The following ROBO2 variants were observed in gnomAD, a reference collection of about 807,000 sequenced individuals.
The protein encoded by ROBO2 is roundabout homolog 2.
In ROBO2, 53 loss-of-function variants were observed where a neutral mutation model predicts 160.8. The observed-to-expected ratio is 0.33, with a 90% CI of 0.26 to 0.41. The LOEUF (loss-of-function observed/expected upper bound fraction) is 0.41, where lower values mean the gene tolerates loss of function less well. ROBO2 is among the 10% of genes least tolerant of loss of function. ROBO2 has a pLI of 1.00. For missense variants in ROBO2, 1,577 were observed against 1,722.4 expected (o/e 0.92, Z 1.49); for synonymous variants, 664 against 611.7 (o/e 1.09, Z -1.26).
In ROBO2 at chr3:76,633,517, A is replaced by G. The variant is rs1560274378; in HGVS notation, c.110-464497A>G. Among the ~76,000 whole-genome samples the G allele has an allele frequency of 3.3e-5, 5 of 152,204 alleles. 1 individual carries two copies. The highest frequency in any genetic ancestry group is 1.2e-4 in the African/African-American group (5 of 41,448). On this transcript the variant is annotated intron_variant, in intron 2 of 26. Coordinates refer to the ROBO2 transcript ENST00000487694. ...AAAAAGAAAAAGACACGAAGGAGAA[A>G]GAAGATGAGAAAGGTAAGCTCTCCT...
chr3:76,979,578 TG>T lies in ROBO2; in HGVS notation c.110-118435del, dbSNP rs559550800. Among the ~76,000 whole-genome samples, 17 of 151,850 alleles carry T rather than the reference TG, an allele frequency of 1.1e-4. No homozygotes were observed. In the South Asian group the frequency reaches 3.5e-3, roughly 32 times the overall value. On this transcript the variant is annotated intron_variant, in intron 2 of 26. Transcript: ENST00000487694. ...TCTTTATTGCTGAATGGTATTGGGG[TG>T]TATGTGTGTGTGTGGTGTGTGTGTG...
At chr3:76,691,882 A>C (rs2092809551) in intron 2 of ROBO2, among the ~76,000 whole-genome samples, 1 of 152,162 alleles carries the variant, frequency 6.6e-6, no homozygotes, top group African/African-American at 2.4e-5. Context: ...AGGTGTACAA[A>C]TTCTAGTGAC....
At chr3:77,271,183 G>C (rs551691030) in intron 2 of ROBO2, among the ~76,000 whole-genome samples, 11 of 152,014 alleles carry the variant, frequency 7.2e-5, no homozygotes, top group Non-Finnish European at 1.6e-4. Context: ...CTCCGTGCTA[G>C]GTGTTAGAAT....
At position 76,710,516 on chromosome 3, in the gene ROBO2, G is replaced by A. The variant is rs575084645; in HGVS notation, c.110-387498G>A. Among the ~76,000 whole-genome samples, 31 of 152,298 alleles carry A rather than the reference G, an allele frequency of 2.0e-4. No homozygotes were observed. The South Asian group carries it at 6.4e-3, about 32-fold the overall frequency. ...AGTAATTTGTTTGGCCAATTTCCAAGTTAATTACTACTTGACCCTACTGAA... is the reference window on the plus strand; with the variant it reads ...AGTAATTTGTTTGGCCAATTTCCAAATTAATTACTACTTGACCCTACTGAA... On this transcript the variant is annotated intron_variant, in intron 2 of 26. Coordinates refer to the ROBO2 transcript ENST00000487694.
chr3:75,976,014 A>G (rs1463139277), intron 2 of ROBO2, among the ~76,000 whole-genome samples: 1 of 151,534 alleles, frequency 6.6e-6, no homozygotes, highest in Non-Finnish European at 1.5e-5. Context: ...GCAACTGTCA[A>G]TGTACATGAA....
At chr3:76,122,244 T>G (rs1170279838) in intron 2 of ROBO2, among the ~76,000 whole-genome samples, 1 of 151,944 alleles carries the variant, frequency 6.6e-6, no homozygotes, top group Non-Finnish European at 1.5e-5. Flanking sequence ...CTCCTTTATT[T>G]ATTTTCTCTG....
intron 2 of ROBO2, among the ~76,000 whole-genome samples, chr3:76,602,750 TACA>T (rs1560217084): frequency 6.6e-6 from 1 of 151,934 alleles, no homozygotes; most frequent in African/African-American, 2.4e-5. Context: ...AGGTGGGAGT[TACA>T]ATTCAAGATG....
chr3:76,555,918 T>C (rs931301755), intron 2 of ROBO2, among the ~76,000 whole-genome samples: 4 of 151,804 alleles, frequency 2.6e-5, no homozygotes, highest in African/African-American at 9.7e-5. Context: ...TCCTCTCTAC[T>C]GAAAACAAAA....
rs973666673 is a variant in ROBO2 at position 76,166,018 on chromosome 3, A to G, written c.109+228416A>G. Among the ~76,000 whole-genome samples, 10 of 152,248 alleles carry G rather than the reference A, an allele frequency of 6.6e-5. No homozygotes were observed. In the East Asian group the frequency reaches 1.4e-3, roughly 21 times the overall value. On this transcript the variant is annotated intron_variant, in intron 2 of 26. Coordinates refer to the ROBO2 transcript ENST00000487694. ...CAATGATCACTGATTGCAGATCACC[A>G]CAACAGATACAATAATAATAAACAT...
At chr3:77,443,518 C>G (rs1055684174) in intron 2 of ROBO2, among the ~76,000 whole-genome samples, 1 of 151,922 alleles carries the variant, frequency 6.6e-6, no homozygotes, top group Non-Finnish European at 1.5e-5. Context: ...AACAGTATGT[C>G]AAAATAATAT....
intron 2 of ROBO2, among the ~76,000 whole-genome samples, chr3:76,362,886 C>G (rs530012938): frequency 4.6e-5 from 7 of 152,132 alleles, no homozygotes; most frequent in South Asian, 2.1e-4. Flanking sequence ...GAAACTGTTA[C>G]GCCAGTCACT....
chr3:76,338,508 C>T (rs1441022949), intron 2 of ROBO2, among the ~76,000 whole-genome samples: 1 of 151,514 alleles, frequency 6.6e-6, no homozygotes, highest in Admixed American at 6.6e-5. Flanking sequence ...AATACACTGA[C>T]TCTTAAAAAA....
intron 19 of ROBO2, 81 bp from the exon 21 acceptor site, chr3:77,602,128 AC>A: frequency 2.2e-6 from 3 of 1,390,822 alleles, no homozygotes; most frequent in Non-Finnish European, 3.1e-6. Flanking sequence ...AGTGTGACAC[AC>A]TTATTTTTCA....
chr3:77,527,818 G>A (rs527950928), intron 6 of ROBO2, among the ~76,000 whole-genome samples: 7 of 151,408 alleles, frequency 4.6e-5, no homozygotes, highest in Non-Finnish European at 7.4e-5. Flanking sequence ...AAAATTCTAC[G>A]ACTTTCCACA....
chr3:76,361,604 T>C (rs2075525181), intron 2 of ROBO2, among the ~76,000 whole-genome samples: 1 of 152,004 alleles, frequency 6.6e-6, no homozygotes, highest in Non-Finnish European at 1.5e-5. Context: ...TCAAGAACCA[T>C]ATAATGAAGT....
At chr3:77,567,839 A>G (rs922547261) in intron 12 of ROBO2, among the ~76,000 whole-genome samples, 5 of 152,078 alleles carry the variant, frequency 3.3e-5, no homozygotes, top group African/African-American at 7.2e-5. Context: ...GGTCAAGAAG[A>G]AAACACAACC....
At chr3:76,281,181 T>TACTACCAATTCCCACATGTGGGAAA (rs1031682589) in intron 2 of ROBO2, among the ~76,000 whole-genome samples, 103 of 151,824 alleles carry the variant, frequency 6.8e-4, no homozygotes, top group Non-Finnish European at 1.1e-3. Context: ...CATGTGGGAA[T>TACTACCAATTCCCACATGTGGGAAA]ACTACCAATT....
At chr3:77,523,938 G>C (rs1004062635) in intron 6 of ROBO2, among the ~76,000 whole-genome samples, 6 of 151,360 alleles carry the variant, frequency 4.0e-5, no homozygotes, top group African/African-American at 1.4e-4. Context: ...AAAAGGTTCG[G>C]AGAAGTTTGA....
rs1352906573 is a variant in ROBO2, at chr3:76,014,255, T to G, written c.109+76653T>G. ...CGGCTGGCACGGTGGCTTATGCGTG[T>G]AATCCCAGAAGTAATATGCATAAAG... On this transcript the variant is annotated intron_variant, in intron 2 of 26. Transcript: ENST00000487694. Among the ~76,000 whole-genome samples the G allele has an allele frequency of 1.5e-5, 2 of 135,880 alleles. 1 individual carries two copies. The highest frequency in any genetic ancestry group is 3.3e-5 in the Non-Finnish European group (2 of 60,056). The allele number at this position is 135,880 out of a possible 152,430, so 89.1% of individuals were successfully genotyped here.
Sources: gnomAD v4.1 joint callset for allele counts (sites outside exome capture counted in the v4.1 genomes callset) on GRCh38, gnomAD v4.1.1 for gene constraint, MANE v1.5 for transcripts, NCBI Gene and HGNC (gene_info 2026-07-23, HGNC 2026-07-21) for gene names.